Variants in SAMD5 observed in about 807,000 individuals in gnomAD.
The protein encoded by SAMD5 is sterile alpha motif domain containing 5.
In SAMD5, 13 loss-of-function variants were observed where a neutral mutation model predicts 11.3. The observed-to-expected ratio is 1.15, with a 90% CI of 0.75 to 1.83. The LOEUF (loss-of-function observed/expected upper bound fraction) is 1.83. SAMD5 is among the 40% of genes most tolerant of loss of function. The pLI, the probability that SAMD5 is intolerant of heterozygous loss-of-function variation, is 0.00. For missense variants in SAMD5, 255 were observed against 239.1 expected (o/e 1.07, Z -0.44); for synonymous variants, 129 against 111.3 (o/e 1.16, Z -1.00).
chr6:147,766,480 A>C, the SAMD5 span, among the ~76,000 whole-genome samples: 1 of 152,220 alleles, frequency 6.6e-6, no homozygotes, highest in Non-Finnish European at 1.5e-5. Flanking sequence ...AAAGAGTATC[A>C]GAATGACTTT....
At chr6:147,589,141 T>C (rs1297576949) in intron 1 of SAMD5, among the ~76,000 whole-genome samples, 1 of 152,074 alleles carries the variant, frequency 6.6e-6, no homozygotes, top group Non-Finnish European at 1.5e-5. Context: ...ATTGTTCTTG[T>C]AGAGACAGGA....
intron 1 of SAMD5, among the ~76,000 whole-genome samples, chr6:147,581,786 G>A (rs1260190811): frequency 2.6e-5 from 4 of 152,170 alleles, no homozygotes; most frequent in Non-Finnish European, 4.4e-5. Flanking sequence ...AAAGTATAGA[G>A]AGCTTAACTA....
intron 1 of SAMD5, among the ~76,000 whole-genome samples, chr6:147,588,510 G>A (rs1789407204): frequency 1.3e-5 from 2 of 151,740 alleles, no homozygotes; most frequent in Admixed American, 6.6e-5. Flanking sequence ...ATTTTTAGTA[G>A]AGACAGGGTC....
chr6:147,630,074 C>CA (rs763154377), intron 1 of SAMD5, among the ~76,000 whole-genome samples: 6 of 151,782 alleles, frequency 4.0e-5, no homozygotes, highest in Non-Finnish European at 5.9e-5. Flanking sequence ...CTCAGCCTCC[C>CA]AAGTAGCTGG....
chr6:147,630,195 C>G (rs906776389), intron 1 of SAMD5, among the ~76,000 whole-genome samples: 2 of 152,016 alleles, frequency 1.3e-5, no homozygotes, highest in Non-Finnish European at 2.9e-5. Flanking sequence ...GTGATCTGCC[C>G]GCCTCAGCTT....
Position 147,566,921 on chromosome 6 carries a change from T to C in SAMD5, c.*2465T>C, listed in dbSNP as rs1265558825. On this transcript the variant is annotated 3_prime_UTR_variant, in exon 2 of 2. Coordinates refer to ENST00000367474, the MANE Select transcript of SAMD5 (RefSeq NM_001030060.3). ...GAAGGAGTAATTTTTTCAGCGTTTTTCCTCTGTATCTAAACACCAATAATA... is the reference window on the plus strand; with the variant it reads ...GAAGGAGTAATTTTTTCAGCGTTTTCCCTCTGTATCTAAACACCAATAATA... 1.1e-6 allele frequency: 1 copy of C among 911,966 alleles called. No homozygotes were observed. Among genetic ancestry groups the C allele is most frequent in the South Asian group, 5.1e-5 (1 of 19,794 alleles). 56.5% of individuals were successfully genotyped at this position (911,966 alleles called of 1,614,324 possible).
chr6:147,620,616 G>A (rs1789944510), intron 1 of SAMD5, among the ~76,000 whole-genome samples: 1 of 152,200 alleles, frequency 6.6e-6, no homozygotes, highest in Admixed American at 6.5e-5. Flanking sequence ...ACTTCTAGAA[G>A]GACCCGGAGT....
At chr6:147,708,543 G>T (rs555683383) in intron 1 of SAMD5, among the ~76,000 whole-genome samples, 1 of 152,314 alleles carries the variant, frequency 6.6e-6, no homozygotes, top group African/African-American at 2.4e-5. Flanking sequence ...CTCAGCAAAT[G>T]GGAGCTTGAT....
chr6:147,584,105 C>T (rs1322223387), intron 1 of SAMD5, among the ~76,000 whole-genome samples: 2 of 151,986 alleles, frequency 1.3e-5, no homozygotes, highest in Non-Finnish European at 2.9e-5. Flanking sequence ...GTTAACAATT[C>T]CTATCTCTGA....
At chr6:147,919,170 G>A in the SAMD5 span, among the ~76,000 whole-genome samples, 1 of 152,174 alleles carries the variant, frequency 6.6e-6, no homozygotes, top group African/African-American at 2.4e-5. Flanking sequence ...TGGTCAAGGA[G>A]ATGGTTGAAA....
chr6:147,714,942 C>T (rs1791446294), intron 1 of SAMD5, among the ~76,000 whole-genome samples: 1 of 152,134 alleles, frequency 6.6e-6, no homozygotes, highest in African/African-American at 2.4e-5. Context: ...TGATTGTTTA[C>T]CAAATTACTA....
chr6:147,870,714 A>G, the SAMD5 span, among the ~76,000 whole-genome samples: 1 of 149,706 alleles, frequency 6.7e-6, no homozygotes, highest in Non-Finnish European at 1.5e-5. Context: ...ACAGAGCAGA[A>G]ATGAGGGAGA....
intron 1 of SAMD5, among the ~76,000 whole-genome samples, chr6:147,541,910 T>C (rs923853005): frequency 3.3e-5 from 5 of 151,906 alleles, no homozygotes; most frequent in African/African-American, 9.7e-5. Context: ...AATGGGGCTA[T>C]AGACAGACAC....
chr6:147,531,289 A>G (rs1365794261), intron 1 of SAMD5, among the ~76,000 whole-genome samples: 1 of 152,198 alleles, frequency 6.6e-6, no homozygotes, highest in Non-Finnish European at 1.5e-5. Context: ...TCCAGTCCAC[A>G]TGTGAAATTA....
intron 1 of SAMD5, among the ~76,000 whole-genome samples, chr6:147,677,983 A>G (rs1790889586): frequency 6.6e-6 from 1 of 152,156 alleles, no homozygotes; most frequent in Non-Finnish European, 1.5e-5. Context: ...GAATGGTGCA[A>G]TTGGTTCTCA....
intron 1 of SAMD5, among the ~76,000 whole-genome samples, chr6:147,555,293 T>A (rs1420780524): frequency 6.6e-6 from 1 of 152,216 alleles, no homozygotes; most frequent in African/African-American, 2.4e-5. Context: ...TGGCTGCATT[T>A]TCCATGTAAC....
At chr6:147,693,609 T>A (rs1277782239) in intron 1 of SAMD5, among the ~76,000 whole-genome samples, 1 of 152,224 alleles carries the variant, frequency 6.6e-6, no homozygotes, top group Non-Finnish European at 1.5e-5. Flanking sequence ...GGAGGAATGA[T>A]GTTTAAGGAT....
intron 1 of SAMD5, among the ~76,000 whole-genome samples, chr6:147,685,949 C>G (rs112624582): frequency 6.6e-6 from 1 of 152,126 alleles, no homozygotes; most frequent in Non-Finnish European, 1.5e-5. Context: ...GGAAAAGATA[C>G]CAGCAAAGTT....
chr6:147,643,485 G>T (rs182118145), intron 1 of SAMD5, among the ~76,000 whole-genome samples: 1 of 152,178 alleles, frequency 6.6e-6, no homozygotes, highest in East Asian at 1.9e-4. Context: ...GTGGCCGCCT[G>T]GTCTGACTTA....
Sources: allele counts gnomAD v4.1 joint callset (sites outside exome capture counted in the v4.1 genomes callset), GRCh38; gene constraint gnomAD v4.1.1; transcripts MANE v1.5; gene names NCBI Gene and HGNC (gene_info 2026-07-23, HGNC 2026-07-21).